Variants in TRMU observed in about 807,000 individuals in gnomAD.
The protein encoded by TRMU is tRNA mitochondrial 2-thiouridylase.
In TRMU, 49 loss-of-function variants were observed where a neutral mutation model predicts 46.9. The ratio of observed to expected loss-of-function variants is 1.05; its 90% CI spans 0.83 to 1.33. The LOEUF (loss-of-function observed/expected upper bound fraction) is 1.33, where lower values mean the gene tolerates loss of function less well. TRMU is among the 40% of genes most tolerant of loss of function. The pLI is 0.00. For synonymous variants in TRMU, 241 were observed against 200.9 expected (o/e 1.20, Z -1.69); for missense variants, 572 against 532.4 (o/e 1.07, Z -0.73).
chr22:46,345,724 C>T (rs1203529646), intron 3 of TRMU, among the ~76,000 whole-genome samples: 1 of 151,726 alleles, frequency 6.6e-6, no homozygotes, highest in African/African-American at 2.4e-5. Context: ...AGTGCATTGT[C>T]ATTCACTTCA....
At chr22:46,346,978 C>T (rs781652426) in intron 4 of TRMU, among the ~76,000 whole-genome samples, 2 of 152,236 alleles carry the variant, frequency 1.3e-5, no homozygotes, top group Non-Finnish European at 2.9e-5. Flanking sequence ...TGCTGTGGAT[C>T]GCATGGGCTC....
Position 46,335,785 on chromosome 22 carries a change from C to G in TRMU, c.21C>G (p.Val7=). 1 of 1,558,194 alleles carries G rather than the reference C, an allele frequency of 6.4e-7. No homozygotes were observed. Among genetic ancestry groups the G allele is most frequent in the Non-Finnish European group, 8.6e-7 (1 of 1,156,344 alleles). MQALRH[V]VCALSGGVDS... ...GGCGGATGCAGGCCTTGCGGCACGT[C>G]GTGTGCGCCCTGTCCGGCGGCGTGG... The change falls in exon 1 of 11, where the codon GTC becomes GTG. Residue 7 remains valine (V), a synonymous_variant. Transcript: ENST00000645190.
At position 46,335,800 on chromosome 22, in the gene TRMU, C is replaced by T. The variant is rs764802781; in HGVS notation, c.36C>T (p.Ser12=). ...QALRHVVCAL[S]GGVDSAVAAL... is the part of the protein sequence containing the mutation. The stretch of plus-strand genomic sequence containing the variant: ...TGCGGCACGTCGTGTGCGCCCTGTC[C>T]GGCGGCGTGGACAGCGCCGTGGCCG... The change falls in exon 1 of 11, where the codon TCC becomes TCT. Residue 12 remains serine (S), a synonymous_variant. Coordinates refer to ENST00000645190, the MANE Select transcript of TRMU (RefSeq NM_018006.5). 12 of 1,562,578 alleles carry T rather than the reference C, an allele frequency of 7.7e-6. No individual in the cohort carries two copies. The highest frequency in any genetic ancestry group is 5.6e-5 in the Admixed American group (3 of 53,850).
rs781384797 is a variant in TRMU, at chr22:46,343,353, G to C, written c.340G>C (p.Ala114Pro). ...HIKFSCFFHY[A>P]VDNLGADAIA... ...CAAATTTAGTTGCTTTTTTCATTAT[G>C]CTGTGGATAATCTTGGTAAGTAATT... Residue 114 changes from alanine (A) to proline (P), a missense_variant, in exon 3 of 11, where the codon GCT becomes CCT. Transcript: ENST00000645190. 17 of 1,612,938 alleles carry C rather than the reference G, an allele frequency of 1.1e-5. No individual in the cohort carries two copies. Among genetic ancestry groups the C allele is most frequent in the Non-Finnish European group, 1.4e-5 (17 of 1,179,098 alleles).
At position 46,353,980 on chromosome 22, in the gene TRMU, G is replaced by GACTA. The variant is rs775335823; in HGVS notation, c.873+117_873+120dup. On this transcript the variant is annotated intron_variant, in intron 8 of 10. Coordinates refer to ENST00000645190, the MANE Select transcript of TRMU (RefSeq NM_018006.5). ...GCAGCCGTGGCTTCCTGGAGGCTGT[G>GACTA]ACTAACTCTGTTCCTGTCCTTGGTC... The GACTA allele has an allele frequency of 8.6e-6, 8 of 932,502 alleles. No individual in the cohort carries two copies. In the African/African-American group the frequency reaches 9.8e-5, roughly 11 times the overall value. The allele number at this position is 932,502 out of a possible 1,614,324, so 57.8% of individuals were successfully genotyped here.
At chr22:46,344,891 C>T (rs1223125214) in intron 3 of TRMU, among the ~76,000 whole-genome samples, 1 of 152,118 alleles carries the variant, frequency 6.6e-6, no homozygotes, top group African/African-American at 2.4e-5. Flanking sequence ...TCTAAAGTGC[C>T]TTTTTCAGGT....
Position 46,350,478 on chromosome 22 carries a change from T to C in TRMU, c.651+15T>C, listed in dbSNP as rs772730130. 1.9e-6 allele frequency: 3 copies of C among 1,612,884 alleles called. No homozygotes were observed. Among genetic ancestry groups the C allele is most frequent in the Non-Finnish European group, 2.5e-6 (3 of 1,179,946 alleles). Reference sequence around the variant, plus strand: ...AGAAGAAAGAGGTACGAGTGAGCAGTTGCCTTTGATTAGTGCCTGTTTCCC... The same window carrying C: ...AGAAGAAAGAGGTACGAGTGAGCAGCTGCCTTTGATTAGTGCCTGTTTCCC... On this transcript the variant is annotated intron_variant, in intron 5 of 10. Coordinates refer to ENST00000645190, the MANE Select transcript of TRMU (RefSeq NM_018006.5). The surrounding 1 kb of genome is among the most constrained non-coding windows in gnomAD (Gnocchi z 4.6).
rs537257675 is a variant in TRMU, at chr22:46,349,137, C to CAAAA, written c.479-1141_479-1138dup. Among the ~76,000 whole-genome samples, 1 of 117,072 alleles carries CAAAA rather than the reference C, an allele frequency of 8.5e-6. No individual in the cohort carries two copies. Among genetic ancestry groups the CAAAA allele is most frequent in the African/African-American group, 3.1e-5 (1 of 31,822 alleles). 76.8% of individuals were successfully genotyped at this position (117,072 alleles called of 152,430 possible). A position where few individuals can be genotyped will look rare whatever the true frequency, so the allele number is the denominator to read the frequency against. ...TGGGCGACAGAGCGAGACTCCATCT[C>CAAAA]AAAAAAAAAAAAAAAAGTGGACTCT... On this transcript the variant is annotated intron_variant, in intron 4 of 10. Transcript: ENST00000645190. The surrounding 1 kb of genome is among the most constrained non-coding windows in gnomAD (Gnocchi z 4.6).
rs558390393 is a variant in TRMU, at chr22:46,338,102, G to A, written c.248+158G>A. The A allele has an allele frequency of 4.3e-5, 43 of 1,010,802 alleles. No homozygotes were observed. The highest frequency in any genetic ancestry group is 3.0e-4 in the Middle Eastern group (1 of 3,358). The allele number at this position is 1,010,802 out of a possible 1,614,324, so 62.6% of individuals were successfully genotyped here. On this transcript the variant is annotated intron_variant, in intron 2 of 10. Coordinates refer to ENST00000645190, the MANE Select transcript of TRMU (RefSeq NM_018006.5). The surrounding 1 kb of genome is among the most constrained non-coding windows in gnomAD (Gnocchi z 4.5). ...GCAAGAGGCCTCAGCCACCCTCGGG[G>A]CTCTGTGTTAGAGGCGAGGCCTGGA...
chr22:46,352,586 T>C (rs2078465640), intron 7 of TRMU: 1 of 575,910 alleles, frequency 1.7e-6, no homozygotes, highest in South Asian at 2.0e-5. Flanking sequence ...GGAAGGACTA[T>C]ACTCTGTGAG....
rs980549110 is a variant in TRMU, at chr22:46,338,784, G to A, written c.248+840G>A. Among the ~76,000 whole-genome samples, 1 of 151,854 alleles carries A rather than the reference G, an allele frequency of 6.6e-6. No homozygotes were observed. Among genetic ancestry groups the A allele is most frequent in the African/African-American group, 2.4e-5 (1 of 41,300 alleles). On this transcript the variant is annotated intron_variant, in intron 2 of 10. Coordinates refer to ENST00000645190, the MANE Select transcript of TRMU (RefSeq NM_018006.5). This position sits in a 1 kb window ranked among gnomAD's most constrained non-coding sequence, Gnocchi z 4.5. Reference sequence around the variant, plus strand: ...GAGTGTAGGGCTCATCCTCTGGTGAGCCCTGACTGTGATGAATGTCGGGCA... The same window carrying A: ...GAGTGTAGGGCTCATCCTCTGGTGAACCCTGACTGTGATGAATGTCGGGCA...
At chr22:46,343,039 G>A (rs765224741) in intron 2 of TRMU, among the ~76,000 whole-genome samples, 1 of 152,238 alleles carries the variant, frequency 6.6e-6, no homozygotes, top group African/African-American at 2.4e-5. Flanking sequence ...ACACAGAGAC[G>A]GTGGCTCCTG....
intron 2 of TRMU, among the ~76,000 whole-genome samples, chr22:46,340,636 G>C (rs1238624993): frequency 8.2e-6 from 1 of 121,216 alleles, no homozygotes; most frequent in Admixed American, 7.9e-5. Flanking sequence ...AGAATTAGGA[G>C]CGGAGCTGGG....
rs1477521531 is a variant in TRMU, at chr22:46,339,724, CTAAA to C, written c.248+1784_248+1787del. 1.3e-5 allele frequency among the ~76,000 whole-genome samples: 2 copies of C among 152,042 alleles called. No homozygotes were observed. The highest frequency in any genetic ancestry group is 4.8e-5 in the African/African-American group (2 of 41,374). On this transcript the variant is annotated intron_variant, in intron 2 of 10. Transcript: ENST00000645190. This position sits in a 1 kb window ranked among gnomAD's most constrained non-coding sequence, Gnocchi z 4.8. ...GATTAAGTAAATTGACTATGGTCAC[CTAAA>C]TAATCAACGGAAGAGCTTGAATATG...
At position 46,346,491 on chromosome 22, in the gene TRMU, A is replaced by C; in HGVS notation, c.425A>C (p.Lys142Thr). The change falls in exon 4 of 11, where the codon AAG (lysine) becomes ACG (threonine). Residue 142 changes from lysine (K) to threonine (T), a missense_variant. Coordinates refer to ENST00000645190, the MANE Select transcript of TRMU (RefSeq NM_018006.5). ...GAAGATGAAGAAGTCTTTGAGCAGA[A>C]GCACGTTAAGAAGCCCGAAGGGCTT... ...SLEDEEVFEQ[K>T]HVKKPEGLFR... The C allele has an allele frequency of 6.2e-7, 1 of 1,613,584 alleles. No individual in the cohort carries two copies. The highest frequency in any genetic ancestry group is 2.2e-5 in the East Asian group (1 of 44,870).
chr22:46,354,472 T>C (rs2078535095), intron 8 of TRMU: 1 of 159,010 alleles, frequency 6.3e-6, no homozygotes, highest in Admixed American at 5.9e-5. Context: ...CTGCTTGCCG[T>C]GTTCAGCACA....
rs568649964 is a variant in TRMU at position 46,335,778 on chromosome 22, G to C, written c.14G>C (p.Arg5Pro). Residue 5 changes from arginine (R) to proline (P), a missense_variant, in exon 1 of 11, where the codon CGG (arginine) becomes CCG (proline). Transcript: ENST00000645190. ...GGCGACTGGCGGATGCAGGCCTTGC[G>C]GCACGTCGTGTGCGCCCTGTCCGGC... Reference protein sequence around the residue: MQALRHVVCALSGGV... With the variant: MQALPHVVCALSGGV... 9 of 1,554,142 alleles carry C rather than the reference G, an allele frequency of 5.8e-6. No individual in the cohort carries two copies. In the Admixed American group the frequency reaches 1.3e-4, roughly 23 times the overall value.
chr22:46,341,924 C>A (rs2078132764), intron 2 of TRMU, among the ~76,000 whole-genome samples: 1 of 152,230 alleles, frequency 6.6e-6, no homozygotes, highest in Non-Finnish European at 1.5e-5. Context: ...CAGAATGGCT[C>A]ATGGAGCCCT....
rs138787752 is a variant in TRMU, at chr22:46,349,565, G to A, written c.479-726G>A. ...GATTGAAAGAAGCCAGAAAACTGAC[G>A]TTCGTCTTAGTTTTTTGCCATTGAT... is the stretch of plus-strand genomic sequence containing the variant. On this transcript the variant is annotated intron_variant, in intron 4 of 10. Coordinates refer to ENST00000645190, the MANE Select transcript of TRMU (RefSeq NM_018006.5). The surrounding 1 kb of genome is among the most constrained non-coding windows in gnomAD (Gnocchi z 4.6). 4.2e-3 allele frequency among the ~76,000 whole-genome samples: 639 copies of A among 152,332 alleles called. 2 individuals are homozygous for A. The highest frequency in any genetic ancestry group is 0.014 in the African/African-American group (599 of 41,576).
Sources: allele counts gnomAD v4.1 joint callset (sites outside exome capture counted in the v4.1 genomes callset), GRCh38; gene constraint gnomAD v4.1.1; non-coding constraint Gnocchi (gnomAD v3.1); transcripts MANE v1.5; gene names NCBI Gene and HGNC (gene_info 2026-07-23, HGNC 2026-07-21).